XKR6: variants seen among roughly 807,000 people sequenced by gnomAD.
XKR6 encodes XK related 6.
In XKR6, 22 loss-of-function variants were observed where a neutral mutation model predicts 56.7. That is an observed-to-expected ratio of 0.39 (90% CI 0.28 to 0.55). The LOEUF (loss-of-function observed/expected upper bound fraction) is 0.55. Among genes scored for constraint, XKR6 ranks in the 20% least tolerant of loss-of-function variants. XKR6 has a pLI of 0.66. For missense variants in XKR6, 852 were observed against 889.0 expected (o/e 0.96, Z 0.53); for synonymous variants, 524 against 387.8 (o/e 1.35, Z -4.13).
At chr8:11,154,818 T>C (rs1201690187) in intron 1 of XKR6, among the ~76,000 whole-genome samples, 1 of 152,202 alleles carries the variant, frequency 6.6e-6, no homozygotes, top group East Asian at 1.9e-4. Context: ...GTACCTTGTC[T>C]TCTGTCCTCT....
chr8:10,942,479 A>C (rs1326975100), intron 1 of XKR6, among the ~76,000 whole-genome samples: 1 of 152,192 alleles, frequency 6.6e-6, no homozygotes, highest in Non-Finnish European at 1.5e-5. Flanking sequence ...TCCTGCTCCC[A>C]GGACTGCCTG....
At chr8:11,166,061 A>C (rs1481177381) in intron 1 of XKR6, among the ~76,000 whole-genome samples, 1 of 151,228 alleles carries the variant, frequency 6.6e-6, no homozygotes, top group Non-Finnish European at 1.5e-5. Flanking sequence ...ATTCAAGCAA[A>C]TCTCCTGCCT....
intron 1 of XKR6, among the ~76,000 whole-genome samples, chr8:11,043,277 G>T (rs566570793): frequency 6.6e-6 from 1 of 152,192 alleles, no homozygotes; most frequent in Admixed American, 6.5e-5. Context: ...GTGAGGATGC[G>T]AGGTGGGGTG....
Position 11,008,065 on chromosome 8 carries a change from G to C in XKR6, c.765-83235C>G, listed in dbSNP as rs1798412223. ...TGTAGCATTCAGGCGTTCACACAGG[G>C]GCAAGGCAGTGAAGGACCTCACCTG... On this transcript the variant is annotated intron_variant, in intron 1 of 2. Transcript: ENST00000416569. Among the ~76,000 whole-genome samples, 6 of 152,250 alleles carry C rather than the reference G, an allele frequency of 3.9e-5. No individual in the cohort carries two copies. In the South Asian group the frequency reaches 1.2e-3, roughly 32 times the overall value.
intron 1 of XKR6, among the ~76,000 whole-genome samples, chr8:10,943,463 C>T (rs1167317662): frequency 6.6e-6 from 1 of 152,180 alleles, no homozygotes; most frequent in Non-Finnish European, 1.5e-5. Flanking sequence ...CATGGCTCTC[C>T]ATCCCCAGAC....
chr8:10,958,146 C>G (rs545825207), intron 1 of XKR6, among the ~76,000 whole-genome samples: 1 of 152,252 alleles, frequency 6.6e-6, no homozygotes, highest in South Asian at 2.1e-4. Flanking sequence ...TGCTGTTTAC[C>G]TAATCCCTGA....
chr8:11,093,325 G>C (rs552362616), intron 1 of XKR6, among the ~76,000 whole-genome samples: 2 of 152,316 alleles, frequency 1.3e-5, no homozygotes, highest in African/African-American at 4.8e-5. Flanking sequence ...AAAGTGCTGA[G>C]ATTTCAGGAG....
At chr8:10,950,630 C>A (rs968943241) in intron 1 of XKR6, among the ~76,000 whole-genome samples, 1 of 152,250 alleles carries the variant, frequency 6.6e-6, no homozygotes, top group African/African-American at 2.4e-5. Context: ...CTGACAAGAA[C>A]AGAAAACCTA....
At chr8:11,174,753 C>T (rs1052279103) in intron 1 of XKR6, among the ~76,000 whole-genome samples, 7 of 152,210 alleles carry the variant, frequency 4.6e-5, no homozygotes, top group Middle Eastern at 3.4e-3. Flanking sequence ...GTCTAGCTCT[C>T]ACCTGGAGTC....
At chr8:11,136,435 C>G (rs955757147) in intron 1 of XKR6, among the ~76,000 whole-genome samples, 3 of 146,086 alleles carry the variant, frequency 2.1e-5, no homozygotes, top group African/African-American at 7.6e-5. Flanking sequence ...ACCCGGGGGG[C>G]GGAGGTTGTG....
intron 2 of XKR6, among the ~76,000 whole-genome samples, chr8:10,912,447 G>C (rs891849392): frequency 8.5e-6 from 1 of 117,280 alleles, no homozygotes; most frequent in Non-Finnish European, 1.7e-5. Flanking sequence ...ATAGGTGAGT[G>C]TATATATATA....
At chr8:11,010,040 A>T (rs1225938820) in intron 1 of XKR6, among the ~76,000 whole-genome samples, 1 of 152,240 alleles carries the variant, frequency 6.6e-6, no homozygotes, top group Non-Finnish European at 1.5e-5. Context: ...GAGAGGTTTA[A>T]TTGGCTCTTG....
At chr8:11,145,938 G>C (rs911874325) in intron 1 of XKR6, among the ~76,000 whole-genome samples, 8 of 152,058 alleles carry the variant, frequency 5.3e-5, no homozygotes, top group Non-Finnish European at 8.8e-5. Context: ...ATGACTTCAA[G>C]ACTTTATAAT....
chr8:11,047,403 T>C (rs567591331), intron 1 of XKR6, among the ~76,000 whole-genome samples: 2 of 152,396 alleles, frequency 1.3e-5, no homozygotes, highest in South Asian at 2.1e-4. Context: ...GTGGCTTTCA[T>C]GGGCTTCACG....
chr8:10,948,423 G>A (rs548590029), intron 1 of XKR6, among the ~76,000 whole-genome samples: 1 of 152,242 alleles, frequency 6.6e-6, no homozygotes, highest in East Asian at 1.9e-4. Flanking sequence ...GCTATGTTCT[G>A]CTGCCCCCTG....
intron 1 of XKR6, among the ~76,000 whole-genome samples, chr8:11,119,116 G>C (rs1163967017): frequency 2.0e-5 from 3 of 152,110 alleles, no homozygotes; most frequent in Non-Finnish European, 4.4e-5. Context: ...TAGTTGAGCA[G>C]TTTTGAGTGA....
chr8:11,127,431 C>T (rs1799864745), intron 1 of XKR6, among the ~76,000 whole-genome samples: 1 of 152,202 alleles, frequency 6.6e-6, no homozygotes, highest in Admixed American at 6.5e-5. Context: ...TTACCAGTGG[C>T]TTAAACTAAG....
chr8:11,091,090 C>G (rs1174968487), intron 1 of XKR6, among the ~76,000 whole-genome samples: 2 of 151,954 alleles, frequency 1.3e-5, no homozygotes, highest in Admixed American at 1.3e-4. Flanking sequence ...GCAGGTGGCA[C>G]CAGGAATGGC....
intron 1 of XKR6, among the ~76,000 whole-genome samples, chr8:10,932,789 T>A (rs1427680276): frequency 7.9e-6 from 1 of 127,090 alleles, no homozygotes; most frequent in Non-Finnish European, 1.7e-5. Context: ...TATTCCATGG[T>A]GTATATGTGC....
Sources: gnomAD v4.1 joint callset for allele counts (sites outside exome capture counted in the v4.1 genomes callset) on GRCh38, gnomAD v4.1.1 for gene constraint, MANE v1.5 for transcripts, NCBI Gene and HGNC (gene_info 2026-07-23, HGNC 2026-07-21) for gene names.